MGMT: variants seen among roughly 807,000 people sequenced by gnomAD.
MGMT encodes O-6-methylguanine-DNA methyltransferase, also known as methylated-DNA--protein-cysteine methyltransferase.
A neutral mutation model predicts 15.9 loss-of-function variants in MGMT; 14 were observed. The ratio of observed to expected loss-of-function variants is 0.88; its 90% CI spans 0.58 to 1.37. The LOEUF is 1.37. Ranked by LOEUF, MGMT falls within the 40% of genes most tolerant of loss-of-function variation. MGMT has a pLI of 0.00. For missense variants in MGMT, 282 were observed against 268.1 expected (o/e 1.05, Z -0.36); for synonymous variants, 130 against 118.2 (o/e 1.10, Z -0.65).
chr10:129,595,397 C>A (rs1001196838), intron 2 of MGMT, among the ~76,000 whole-genome samples: 1 of 152,146 alleles, frequency 6.6e-6, no homozygotes, highest in Non-Finnish European at 1.5e-5. Flanking sequence ...TGTTCATGCC[C>A]GTGACACACG....
intron 2 of MGMT, among the ~76,000 whole-genome samples, chr10:129,631,766 A>G (rs759054484): frequency 3.9e-5 from 6 of 152,204 alleles, no homozygotes; most frequent in African/African-American, 9.6e-5. Flanking sequence ...GGAGGCTGCA[A>G]TGAGCTGAGA....
chr10:129,692,411 C>A (rs546052506), intron 2 of MGMT, among the ~76,000 whole-genome samples: 1 of 152,276 alleles, frequency 6.6e-6, no homozygotes, highest in Admixed American at 6.5e-5. Context: ...CCTTAGTGGG[C>A]TAGAAGATCT....
intron 2 of MGMT, among the ~76,000 whole-genome samples, chr10:129,575,807 AAGAG>A (rs1411629245): frequency 2.0e-5 from 3 of 150,372 alleles, no homozygotes; most frequent in African/African-American, 7.3e-5. Flanking sequence ...TAAAGAAGAA[AAGAG>A]AGAAGAATCA....
intron 2 of MGMT, among the ~76,000 whole-genome samples, chr10:129,657,707 GCA>G (rs57838117): frequency 4.2e-4 from 47 of 111,482 alleles, no homozygotes; most frequent in East Asian, 1.2e-3. Context: ...ACACACACAC[GCA>G]CACACACACA....
intron 3 of MGMT, among the ~76,000 whole-genome samples, chr10:129,739,463 CTCT>C (rs1487239345): frequency 1.3e-5 from 2 of 152,234 alleles, no homozygotes; most frequent in Non-Finnish European, 2.9e-5. Context: ...GCAGAGTTCA[CTCT>C]TCTTGGTGTG....
intron 3 of MGMT, among the ~76,000 whole-genome samples, chr10:129,718,089 G>A (rs1379285337): frequency 1.3e-5 from 2 of 152,142 alleles, no homozygotes; most frequent in African/African-American, 4.8e-5. Context: ...CCCCAACGTG[G>A]GGACACTTGA....
intron 2 of MGMT, among the ~76,000 whole-genome samples, chr10:129,657,499 GAAGA>G (rs1198477594): frequency 6.6e-6 from 1 of 151,906 alleles, no homozygotes; most frequent in African/African-American, 2.4e-5. Flanking sequence ...GCGTGAGACA[GAAGA>G]AACAGGTAAA....
intron 2 of MGMT, among the ~76,000 whole-genome samples, chr10:129,548,293 A>T (rs1846118623): frequency 6.6e-6 from 1 of 152,212 alleles, no homozygotes; most frequent in African/African-American, 2.4e-5. Flanking sequence ...TCTTGCCACT[A>T]AAAATATATG....
intron 1 of MGMT, among the ~76,000 whole-genome samples, chr10:129,476,019 G>C (rs1270007567): frequency 6.6e-6 from 1 of 152,244 alleles, no homozygotes; most frequent in Non-Finnish European, 1.5e-5. Context: ...AGGCAGACTG[G>C]GGTGGGTGGT....
intron 2 of MGMT, among the ~76,000 whole-genome samples, chr10:129,609,991 A>T (rs1261316835): frequency 1.3e-5 from 2 of 152,176 alleles, no homozygotes; most frequent in African/African-American, 4.8e-5. Flanking sequence ...TGAAAAGCAA[A>T]GGAGATGAAT....
intron 2 of MGMT, among the ~76,000 whole-genome samples, chr10:129,656,426 T>A (rs1333206338): frequency 1.3e-5 from 2 of 152,206 alleles, no homozygotes; most frequent in Non-Finnish European, 2.9e-5. Context: ...TCCAGGCCTC[T>A]GGAAGCAGCA....
chr10:129,741,867 G>A (rs12261395), intron 3 of MGMT, among the ~76,000 whole-genome samples: 36,941 of 151,998 alleles, frequency 0.24, 5,079 homozygotes, highest in Admixed American at 0.36. Flanking sequence ...TGGGCCCACC[G>A]TCCAGGCCTG....
At chr10:129,504,565 C>A (rs765482436) in intron 1 of MGMT, among the ~76,000 whole-genome samples, 22 of 152,170 alleles carry the variant, frequency 1.4e-4, no homozygotes, top group Admixed American at 2.6e-4. Flanking sequence ...TTGATTCCCC[C>A]CTTTTAAATG....
chr10:129,624,949 G>A (rs1413344148), intron 2 of MGMT, among the ~76,000 whole-genome samples: 2 of 152,164 alleles, frequency 1.3e-5, no homozygotes, highest in African/African-American at 4.8e-5. Context: ...GCAGAAAATG[G>A]TATTACAGAG....
rs1472002802 is a variant in MGMT, at chr10:129,659,641, A to G, written c.126-48254A>G. Reference sequence around the variant, plus strand: ...AGTAGCATGTACAAAGGCCCTGAAGATGAATGACTGTGTGAAATTTTGAAG... The same window carrying G: ...AGTAGCATGTACAAAGGCCCTGAAGGTGAATGACTGTGTGAAATTTTGAAG... On this transcript the variant is annotated intron_variant, in intron 2 of 4. Coordinates refer to ENST00000651593, the MANE Select transcript of MGMT (RefSeq NM_002412.5). This position sits in a 1 kb window ranked among gnomAD's most constrained non-coding sequence, Gnocchi z 4.1. 6.6e-6 allele frequency among the ~76,000 whole-genome samples: 1 copy of G among 152,238 alleles called. No homozygotes were observed. Among genetic ancestry groups the G allele is most frequent in the East Asian group, 1.9e-4 (1 of 5,202 alleles).
At chr10:129,670,714 A>G (rs925111582) in intron 2 of MGMT, among the ~76,000 whole-genome samples, 5 of 152,210 alleles carry the variant, frequency 3.3e-5, no homozygotes, top group African/African-American at 9.7e-5. Flanking sequence ...AGGACATATT[A>G]TAAACAGTTA....
At chr10:129,553,824 T>C (rs979808082) in intron 2 of MGMT, among the ~76,000 whole-genome samples, 1 of 152,188 alleles carries the variant, frequency 6.6e-6, no homozygotes, top group African/African-American at 2.4e-5. Flanking sequence ...CCATTCCTTC[T>C]TTCTGTCTCC....
At chr10:129,685,941 C>G (rs975455943) in intron 2 of MGMT, among the ~76,000 whole-genome samples, 1 of 152,180 alleles carries the variant, frequency 6.6e-6, no homozygotes, top group Non-Finnish European at 1.5e-5. Flanking sequence ...TGAGGATTGG[C>G]CAATAAACCT....
rs1846351729 is a variant in MGMT at position 129,566,129 on chromosome 10, G to A, written c.125+29752G>A. ...ACCAGCTCTCCAGGGCTGGGGACTT[G>A]CTAGAGCAGGGTTCCCAGTGCCCCC... On this transcript the variant is annotated intron_variant, in intron 2 of 4. Coordinates refer to ENST00000651593, the MANE Select transcript of MGMT (RefSeq NM_002412.5). The surrounding 1 kb of genome is among the most constrained non-coding windows in gnomAD (Gnocchi z 4.1). 6.6e-6 allele frequency among the ~76,000 whole-genome samples: 1 copy of A among 152,184 alleles called. No homozygotes were observed. Among genetic ancestry groups the A allele is most frequent in the African/African-American group, 2.4e-5 (1 of 41,456 alleles).
Sources: allele counts gnomAD v4.1 joint callset (sites outside exome capture counted in the v4.1 genomes callset), GRCh38; gene constraint gnomAD v4.1.1; non-coding constraint Gnocchi (gnomAD v3.1); transcripts MANE v1.5; gene names NCBI Gene and HGNC (gene_info 2026-07-23, HGNC 2026-07-21).